EML2: variants seen among roughly 807,000 people sequenced by gnomAD.
EML2 encodes EMAP like 2.
EML2 carries 59 observed loss-of-function variants against 84.7 expected under a neutral mutation model. That is an observed-to-expected ratio of 0.70 (90% confidence interval 0.56 to 0.86). The LOEUF is 0.86. Among genes scored for constraint, EML2 ranks in the 40% least tolerant of loss-of-function variants. The pLI, the probability that EML2 is intolerant of heterozygous loss-of-function variation, is 0.00. For synonymous variants in EML2, 352 were observed against 348.9 expected (o/e 1.01, Z -0.10); for missense variants, 818 against 855.6 (o/e 0.96, Z 0.55).
At chr19:45,634,172 G>T in intron 4 of EML2, 150 bp downstream of exon 4, 1 of 877,574 alleles carries the variant, frequency 1.1e-6, no homozygotes, top group Non-Finnish European at 1.7e-6. Flanking sequence ...TTCAGCCTGA[G>T]GGCAGCTGGT....
At chr19:45,615,949 ACAGGATTAAAT>A (rs1971008433) in intron 15 of EML2, 60 bp from the exon 16 acceptor site, 1 of 1,287,274 alleles carries the variant, frequency 7.8e-7, no homozygotes, top group Admixed American at 1.8e-5. Context: ...GGAGAGGGGG[ACAGGATTAAAT>A]CAGGAAAGTG....
At chr19:45,643,523 G>C, upstream of EML2, 1 of 1,534,064 alleles carries the variant, frequency 6.5e-7, no homozygotes, top group South Asian at 1.2e-5. Context: ...TCCCAAAGTG[G>C]GAGGGGCGGA....
upstream of EML2, chr19:45,645,559 A>C: frequency 4.9e-4 from 443 of 906,708 alleles, no homozygotes; most frequent in Middle Eastern, 7.1e-4. Context: ...CCCCAACACA[A>C]TCCTAGGGCC....
chr19:45,632,698 C>A (rs1600185390), intron 6 of EML2, 163 bp downstream of exon 6: 2 of 623,474 alleles, frequency 3.2e-6, no homozygotes, highest in Non-Finnish European at 5.6e-6. Flanking sequence ...GTGACTCACC[C>A]GCCCCTTGGG....
intron 7 of EML2, among the ~76,000 whole-genome samples, chr19:45,627,741 A>G (rs1431150973): frequency 1.3e-5 from 2 of 152,172 alleles, no homozygotes; most frequent in Non-Finnish European, 2.9e-5. Flanking sequence ...GGTCAAGACC[A>G]TTATGCCCAC....
chr19:45,630,216 A>AT (rs925129599), intron 6 of EML2, among the ~76,000 whole-genome samples, 170 bp from the exon 7 acceptor site: 109 of 152,164 alleles, frequency 7.2e-4, no homozygotes, highest in African/African-American at 2.5e-3. Flanking sequence ...CATAGGCAAT[A>AT]TAGGGAGACC....
chr19:45,624,728 A>C lies in EML2; in HGVS notation c.832T>G (p.Trp278Gly), dbSNP rs541086578. The change falls in exon 9 of 19, where the codon TGG (tryptophan) becomes GGG (glycine). Residue 278 changes from tryptophan to glycine, a missense_variant. Physicochemically the swap from Trp to Gly is radical, Grantham distance 184. Transcript: ENST00000245925. ...ATGGGGTGACACTGACCTTTGCCCCAAACATAGAGGTTCCCCCCAGAGTCC... is the reference window on the plus strand; with the variant it reads ...ATGGGGTGACACTGACCTTTGCCCCCAACATAGAGGTTCCCCCCAGAGTCC... ...TGDSGGNLYVWGKGGNRITQA... is the reference protein window; with the variant it reads ...TGDSGGNLYVGGKGGNRITQA... The C allele has an allele frequency of 1.5e-5, 24 of 1,613,426 alleles. No individual in the cohort carries two copies. Among genetic ancestry groups the C allele is most frequent in the Non-Finnish European group, 2.0e-5 (24 of 1,179,718 alleles).
intron 16 of EML2, 130 bp from the exon 17 acceptor site, chr19:45,614,830 C>T (rs1970847432): frequency 1.4e-6 from 1 of 718,264 alleles, no homozygotes; most frequent in African/African-American, 1.8e-5. Context: ...TTCTACCTGT[C>T]AGGACTGGCT....
At chr19:45,645,521 G>C (rs1974973457), upstream of EML2, 2 of 1,300,910 alleles carry the variant, frequency 1.5e-6, no homozygotes, top group Admixed American at 3.3e-5. Context: ...TGCCCAGAAA[G>C]GGGGGTCGGG....
chr19:45,634,576 T>G (rs948134032), intron 3 of EML2, 105 bp from the exon 4 acceptor site: 1 of 882,784 alleles, frequency 1.1e-6, no homozygotes, highest in Non-Finnish European at 1.4e-6. Context: ...TTATTTATTT[T>G]TTTGAGATGG....
chr19:45,636,342 A>T (rs538429288), intron 3 of EML2, among the ~76,000 whole-genome samples: 1 of 152,320 alleles, frequency 6.6e-6, no homozygotes, highest in Non-Finnish European at 1.5e-5. Context: ...GCTGATAGTT[A>T]TCTGGTTTAT....
chr19:45,616,643 G>C, intron 14 of EML2, 85 bp from the exon 15 acceptor site: 1 of 1,390,064 alleles, frequency 7.2e-7, no homozygotes, highest in Non-Finnish European at 1.0e-6. Context: ...ACAGTCCCCA[G>C]CTCCATCCCC....
In EML2 at chr19:45,633,082, A is replaced by T; in HGVS notation, c.387T>A (p.Thr129=). 2 of 1,593,482 alleles carry T rather than the reference A, an allele frequency of 1.3e-6. No individual in the cohort carries two copies. Among genetic ancestry groups the T allele is most frequent in the Non-Finnish European group, 1.7e-6 (2 of 1,170,574 alleles). Residue 129 remains threonine (T), a synonymous_variant, in exon 5 of 19, where the codon ACT becomes ACA. Transcript: ENST00000245925. ...TCCCTTCCATTACCTTCCCTTCCTTAGTGGTTCCCGCCACCTGTCCCGTGG... is the reference window on the plus strand; with the variant it reads ...TCCCTTCCATTACCTTCCCTTCCTTTGTGGTTCCCGCCACCTGTCCCGTGG... ...TIATGQVAGT[T]KEGKPLPPHV...
rs1275159494 is a variant in EML2, at chr19:45,621,500, T to C, written c.979A>G (p.Lys327Glu). 1.9e-6 allele frequency: 3 copies of C among 1,611,194 alleles called. No individual in the cohort carries two copies. The highest frequency in any genetic ancestry group is 2.5e-6 in the Non-Finnish European group (3 of 1,179,734). The change falls in exon 10 of 19, where the codon AAG becomes GAG. Residue 327 changes from lysine (K) to glutamate (E), a missense_variant. Transcript: ENST00000245925. ...RVVLWGSDYS[K>E]LQEVEVPEDF... is the part of the protein sequence containing the mutation. ...CTCCTCACCTCCACTTCCTGCAGCT[T>C]GCTGTAGTCAGAACCCCAGAGGACC...
rs1158058345 is a variant in EML2, at chr19:45,632,917, C to T, written c.454G>A (p.Val152Met). 1 of 1,614,216 alleles carries T rather than the reference C, an allele frequency of 6.2e-7. No individual in the cohort carries two copies. The highest frequency in any genetic ancestry group is 1.7e-5 in the Admixed American group (1 of 60,030). Residue 152 changes from valine to methionine, a missense_variant, in exon 6 of 19, where the codon GTG becomes ATG. Transcript: ENST00000245925. The part of the protein sequence containing the change: ...WDSVSLSTLH[V>M]LGLGVFDRAV... ...CTGTCAAACACCCCCAAGCCCAGCACGTGTAAGGTGGAGAGGGAAACTGAG... is the reference window on the plus strand; with the variant it reads ...CTGTCAAACACCCCCAAGCCCAGCATGTGTAAGGTGGAGAGGGAAACTGAG...
chr19:45,620,714 G>GA (rs766591894), intron 11 of EML2: 5,430 of 107,196 alleles, frequency 0.051, 94 homozygotes, highest in Admixed American at 0.095. Context: ...TCTCAAAAAT[G>GA]AAAAAAAAAA....
At chr19:45,614,017 G>A (rs577258689) in intron 17 of EML2, among the ~76,000 whole-genome samples, 19 of 152,124 alleles carry the variant, frequency 1.2e-4, no homozygotes, top group African/African-American at 4.3e-4. Context: ...TCTGTGTCAC[G>A]CGTGGGCTTT....
chr19:45,616,627 C>T, intron 14 of EML2, 69 bp from the exon 15 acceptor site: 1 of 1,423,636 alleles, frequency 7.0e-7, no homozygotes, highest in Non-Finnish European at 9.8e-7. Flanking sequence ...AGACTCAGCC[C>T]CCTCAACAGT....
Position 45,629,945 on chromosome 19 carries a change from C to T in EML2, c.606+6G>A, listed in dbSNP as rs1169078019. ...CAGCAGGAGGGGATGAGAAAAGTCA[C>T]CTCACCTTGACATCCACCACCTTGG... On this transcript the variant is annotated splice_donor_region_variant and intron_variant, in intron 7 of 18. Coordinates refer to ENST00000245925, the MANE Select transcript of EML2 (RefSeq NM_012155.4). The T allele has an allele frequency of 1.2e-6, 2 of 1,611,970 alleles. No homozygotes were observed. The highest frequency in any genetic ancestry group is 1.7e-6 in the Non-Finnish European group (2 of 1,178,414).
Sources: gnomAD v4.1 joint callset for allele counts (sites outside exome capture counted in the v4.1 genomes callset) on GRCh38, gnomAD v4.1.1 for gene constraint, MANE v1.5 for transcripts, NCBI Gene and HGNC (gene_info 2026-07-23, HGNC 2026-07-21) for gene names.